The following EMILIN2 variants were observed in gnomAD, a reference collection of about 807,000 sequenced individuals.
The protein encoded by EMILIN2 is EMILIN-2.
Under a neutral mutation model 87.1 loss-of-function variants are expected in EMILIN2, and 71 were observed. The observed-to-expected ratio is 0.82, with a 90% CI of 0.67 to 0.99. EMILIN2 has a LOEUF of 0.99. EMILIN2 is among the 50% of genes least tolerant of loss of function. The pLI is 0.00. For synonymous variants in EMILIN2, 581 were observed against 563.4 expected (o/e 1.03, Z -0.44); for missense variants, 1,407 against 1,371.8 (o/e 1.03, Z -0.40).
At chr18:2,872,937 G>A (rs2143997773) in intron 2 of EMILIN2, among the ~76,000 whole-genome samples, 1 of 151,856 alleles carries the variant, frequency 6.6e-6, no homozygotes, top group Middle Eastern at 3.4e-3. Flanking sequence ...TTTGAGTCGT[G>A]GGCTAGCTTA....
chr18:2,882,883 CAA>C (rs35511550), intron 2 of EMILIN2, among the ~76,000 whole-genome samples: 75 of 146,536 alleles, frequency 5.1e-4, no homozygotes, highest in Non-Finnish European at 4.5e-4. Context: ...AACATCATCT[CAA>C]AAAAAAAAAA....
chr18:2,848,396 C>G lies in EMILIN2; in HGVS notation c.257+465C>G, dbSNP rs936245799. On this transcript the variant is annotated intron_variant, in intron 2 of 7. Coordinates refer to ENST00000254528, the MANE Select transcript of EMILIN2 (RefSeq NM_032048.3). This position sits in a 1 kb window ranked among gnomAD's most constrained non-coding sequence, Gnocchi z 4.1. ...AAACGAGTGAGTTCTGTCCGTATGT[C>G]CCCATAAAACGGAATCTTCCAGTTT... Among the ~76,000 whole-genome samples the G allele has an allele frequency of 6.6e-6, 1 of 152,046 alleles. No homozygotes were observed.
intron 2 of EMILIN2, among the ~76,000 whole-genome samples, chr18:2,876,118 A>C (rs2076746376): frequency 3.3e-5 from 5 of 151,662 alleles, no homozygotes; most frequent in Admixed American, 3.3e-4. Flanking sequence ...AGAAGCTGAG[A>C]CAACAGGCGC....
chr18:2,897,593 C>T (rs538506581), intron 4 of EMILIN2, among the ~76,000 whole-genome samples: 16 of 152,262 alleles, frequency 1.1e-4, no homozygotes, highest in South Asian at 2.1e-4. Flanking sequence ...TGGCTGGGCG[C>T]GGTGGCTCAT....
chr18:2,866,038 G>C lies in EMILIN2; in HGVS notation c.257+18107G>C, dbSNP rs994453278. 7.9e-5 allele frequency among the ~76,000 whole-genome samples: 12 copies of C among 152,354 alleles called. No homozygotes were observed. In the South Asian group the frequency reaches 1.9e-3, roughly 24 times the overall value. ...TGCGGGATATAATCTGGTGTGTGCTGTTTGCTAAGACCATTGGAAAAGTGC... is the reference window on the plus strand; with the variant it reads ...TGCGGGATATAATCTGGTGTGTGCTCTTTGCTAAGACCATTGGAAAAGTGC... On this transcript the variant is annotated intron_variant, in intron 2 of 7. Coordinates refer to ENST00000254528, the MANE Select transcript of EMILIN2 (RefSeq NM_032048.3).
chr18:2,884,124 G>A (rs939037885), intron 2 of EMILIN2, among the ~76,000 whole-genome samples: 5 of 152,002 alleles, frequency 3.3e-5, no homozygotes, highest in Non-Finnish European at 7.4e-5. Flanking sequence ...CCCGGCTAAT[G>A]TTTTTGTATT....
chr18:2,872,302 G>A (rs1049143118), intron 2 of EMILIN2, among the ~76,000 whole-genome samples: 1 of 152,160 alleles, frequency 6.6e-6, no homozygotes, highest in African/African-American at 2.4e-5. Flanking sequence ...TCAATTTTCA[G>A]TCATGGAGAC....
intron 5 of EMILIN2, among the ~76,000 whole-genome samples, chr18:2,907,967 C>T (rs964196208): frequency 1.3e-5 from 2 of 152,188 alleles, no homozygotes; most frequent in Non-Finnish European, 2.9e-5. Context: ...TGTTCCCCAT[C>T]GGTGATAGCC....
intron 2 of EMILIN2, among the ~76,000 whole-genome samples, chr18:2,876,560 A>G (rs1338956675): frequency 6.9e-6 from 1 of 144,350 alleles, no homozygotes; most frequent in Non-Finnish European, 1.5e-5. Context: ...AGGTCAGGAG[A>G]TCGAGACCAT....
intron 4 of EMILIN2, among the ~76,000 whole-genome samples, chr18:2,892,819 A>G (rs1204023530): frequency 2.0e-5 from 3 of 150,028 alleles, no homozygotes; most frequent in Non-Finnish European, 4.4e-5. Context: ...TGGGAGTCAA[A>G]GGAGGGTGGA....
rs111977749 is a variant in EMILIN2 at position 2,910,453 on chromosome 18, G to T, written c.2824+634G>T. Among the ~76,000 whole-genome samples, 374 of 152,298 alleles carry T rather than the reference G, an allele frequency of 2.5e-3. 2 individuals are homozygous for T. The highest frequency in any genetic ancestry group is 8.8e-3 in the African/African-American group (366 of 41,560). ...CCTGTGTCCCATCAGTGTCCACCTG[G>T]GCTGGGCTGCTCTGCCCGGACGGAG... On this transcript the variant is annotated intron_variant, in intron 7 of 7. Coordinates refer to ENST00000254528, the MANE Select transcript of EMILIN2 (RefSeq NM_032048.3).
chr18:2,871,934 C>T (rs1045668479), intron 2 of EMILIN2, among the ~76,000 whole-genome samples: 1 of 151,800 alleles, frequency 6.6e-6, no homozygotes, highest in Non-Finnish European at 1.5e-5. Flanking sequence ...CTTTTTTATC[C>T]TTTCAATGTC....
intron 2 of EMILIN2, among the ~76,000 whole-genome samples, chr18:2,860,690 A>G (rs577052579): frequency 3.3e-5 from 5 of 152,344 alleles, no homozygotes; most frequent in South Asian, 2.1e-4. Context: ...TAGTGCCACA[A>G]TAAACATACA....
rs2076951103 is a variant in EMILIN2, at chr18:2,913,265, T to A, written c.3023T>A (p.Phe1008Tyr). The A allele has an allele frequency of 1.2e-6, 2 of 1,613,808 alleles. No homozygotes were observed. The highest frequency in any genetic ancestry group is 1.1e-5 in the South Asian group (1 of 91,086). The change falls in exon 8 of 8, where the codon TTC becomes TAC. Residue 1008 changes from phenylalanine to tyrosine, a missense_variant. Phe to Tyr is a conservative substitution (Grantham distance 22, BLOSUM62 3). Coordinates refer to ENST00000254528, the MANE Select transcript of EMILIN2 (RefSeq NM_032048.3). ...CATACCTGCGGGGGCCCGGGGGCAT[T>A]CCACCTCATCGTGCACCTGAAGGCG... ...ALHTCGGPGA[F>Y]HLIVHLKAGD...
rs1373923194 is a variant in EMILIN2 at position 2,894,871 on chromosome 18, C to T, written c.2359+2385C>T. The stretch of plus-strand genomic sequence containing the variant: ...TAAGGTCACAATGAAAGTGACATGT[C>T]AATCAGTTAAAAGTCAACAGAATGT... On this transcript the variant is annotated intron_variant, in intron 4 of 7. Coordinates refer to ENST00000254528, the MANE Select transcript of EMILIN2 (RefSeq NM_032048.3). The surrounding 1 kb of genome is among the most constrained non-coding windows in gnomAD (Gnocchi z 5.0). 6.6e-6 allele frequency among the ~76,000 whole-genome samples: 1 copy of T among 152,092 alleles called. No homozygotes were observed. Among genetic ancestry groups the T allele is most frequent in the Non-Finnish European group, 1.5e-5 (1 of 68,022 alleles).
rs772154570 is a variant in EMILIN2 at position 2,892,040 on chromosome 18, C to T, written c.1913C>T (p.Ala638Val). ...EMSNCRAGEN[A>V]GMGRFTKVGE... ...AGCAATTGTAGAGCAGGTGAAAACG[C>T]TGGCATGGGTAGGTTCACTAAGGTG... Residue 638 changes from alanine to valine, a missense_variant, in exon 4 of 8, where the codon GCT becomes GTT. Physicochemically the swap from Ala to Val is moderately conservative, Grantham distance 64. Transcript: ENST00000254528. 1.9e-6 allele frequency: 3 copies of T among 1,614,062 alleles called. No homozygotes were observed. Among genetic ancestry groups the T allele is most frequent in the Non-Finnish European group, 2.5e-6 (3 of 1,180,046 alleles).
At chr18:2,900,132 GT>G (rs11314488) in intron 4 of EMILIN2, among the ~76,000 whole-genome samples, 116,286 of 151,136 alleles carry the variant, frequency 0.77, 44,744 homozygotes, top group East Asian at 0.86. Flanking sequence ...AAGCTTGAGG[GT>G]TTTTTTTTTC....
intron 3 of EMILIN2, among the ~76,000 whole-genome samples, chr18:2,887,549 C>A (rs1345782167): frequency 1.3e-5 from 2 of 152,130 alleles, no homozygotes; most frequent in Non-Finnish European, 2.9e-5. Context: ...TCCCTTCCCT[C>A]TTGCTCCCTC....
chr18:2,912,544 C>A (rs886536720), intron 7 of EMILIN2, among the ~76,000 whole-genome samples: 1 of 152,200 alleles, frequency 6.6e-6, no homozygotes, highest in African/African-American at 2.4e-5. Context: ...GATCTTTCCA[C>A]CTTCCTCACC....
Sources: gnomAD v4.1 joint callset for allele counts (sites outside exome capture counted in the v4.1 genomes callset) on GRCh38, gnomAD v4.1.1 for gene constraint, Gnocchi (gnomAD v3.1) non-coding constraint, MANE v1.5 for transcripts, NCBI Gene and HGNC (gene_info 2026-07-23, HGNC 2026-07-21) for gene names.